FGGY: variants seen among roughly 807,000 people sequenced by gnomAD.
FGGY encodes FGGY carbohydrate kinase domain containing, also known as FGGY carbohydrate kinase domain-containing protein.
FGGY carries 72 observed loss-of-function variants against 71.3 expected under a neutral mutation model. The ratio of observed to expected loss-of-function variants is 1.01; its 90% CI spans 0.84 to 1.23. The LOEUF (loss-of-function observed/expected upper bound fraction) is 1.23, where lower values mean the gene tolerates loss of function less well. Among genes scored for constraint, FGGY ranks in the 50% most tolerant of loss-of-function variants. The probability of loss-of-function intolerance (pLI) is 0.00; values close to 1 mark genes in which losing one functional copy is unlikely to be tolerated. For missense variants in FGGY, 668 were observed against 682.3 expected (o/e 0.98, Z 0.23); for synonymous variants, 251 against 250.3 (o/e 1.00, Z -0.02).
At chr1:59,556,997 G>A (rs1440219725) in intron 8 of FGGY, among the ~76,000 whole-genome samples, 1 of 152,072 alleles carries the variant, frequency 6.6e-6, no homozygotes, top group African/African-American at 2.4e-5. Context: ...TGGGCCAAGG[G>A]GATTAATCAT....
At chr1:59,554,018 G>C in intron 7 of FGGY, 106 bp from the exon 8 acceptor site, 1 of 865,110 alleles carries the variant, frequency 1.2e-6, no homozygotes, top group Non-Finnish European at 1.8e-6. Flanking sequence ...CTTCCTCCAT[G>C]TTGTTTGACT....
At chr1:59,712,724 C>T (rs2097804482) in intron 14 of FGGY, among the ~76,000 whole-genome samples, 1 of 152,164 alleles carries the variant, frequency 6.6e-6, no homozygotes, top group Non-Finnish European at 1.5e-5. Context: ...TCCTAGGCTG[C>T]ACACATCATG....
chr1:59,573,473 TAC>T (rs1031906185), intron 8 of FGGY, among the ~76,000 whole-genome samples: 2 of 152,104 alleles, frequency 1.3e-5, no homozygotes, highest in East Asian at 1.9e-4. Flanking sequence ...TTCATATATA[TAC>T]ACACATGTAT....
chr1:59,472,138 G>C (rs534430671), intron 6 of FGGY, among the ~76,000 whole-genome samples: 1 of 152,336 alleles, frequency 6.6e-6, no homozygotes, highest in South Asian at 2.1e-4. Flanking sequence ...GGAGAGGCGC[G>C]GGCGGGAACC....
At chr1:59,584,058 G>A (rs1197238990) in intron 8 of FGGY, among the ~76,000 whole-genome samples, 2 of 149,606 alleles carry the variant, frequency 1.3e-5, no homozygotes, top group Non-Finnish European at 2.9e-5. Flanking sequence ...GGACCGGATG[G>A]ATTCACAGCC....
chr1:59,650,294 T>TC (rs2097144485), intron 11 of FGGY, among the ~76,000 whole-genome samples: 1 of 142,526 alleles, frequency 7.0e-6, no homozygotes. Flanking sequence ...TTCCGTCTTT[T>TC]CTATTGATTG....
rs1206812661 is a variant in FGGY, at chr1:59,369,763, G to A, written c.466-8986G>A. ...GCAGCATTCACGGTTCACGAAAAAC[G>A]ACTGTTCTGCAGACACCGCTGCTGA... On this transcript the variant is annotated intron_variant, in intron 4 of 15. Transcript: ENST00000303721. Among the ~76,000 whole-genome samples the A allele has an allele frequency of 3.9e-5, 6 of 152,278 alleles. 1 individual carries two copies. In the South Asian group the frequency reaches 1.0e-3, roughly 26 times the overall value.
At chr1:59,479,470 C>T (rs2093390819) in intron 6 of FGGY, among the ~76,000 whole-genome samples, 1 of 152,088 alleles carries the variant, frequency 6.6e-6, no homozygotes, top group Non-Finnish European at 1.5e-5. Context: ...ACTGTGGGTC[C>T]AGAGAAGACA....
At chr1:59,363,797 A>G (rs892465742) in intron 4 of FGGY, among the ~76,000 whole-genome samples, 3 of 152,122 alleles carry the variant, frequency 2.0e-5, no homozygotes, top group Non-Finnish European at 2.9e-5. Flanking sequence ...AAAACATGCA[A>G]TTTTCCTAGA....
chr1:59,570,559 G>A (rs1334548168), intron 8 of FGGY, among the ~76,000 whole-genome samples: 1 of 152,112 alleles, frequency 6.6e-6, no homozygotes, highest in Non-Finnish European at 1.5e-5. Flanking sequence ...ATTAGAGATT[G>A]TGGAATTCTT....
Position 59,590,662 on chromosome 1 carries a change from A to T in FGGY, c.904-17141A>T, listed in dbSNP as rs373009501. On this transcript the variant is annotated intron_variant, in intron 8 of 15. Coordinates refer to ENST00000303721, the MANE Select transcript of FGGY (RefSeq NM_018291.5). ...GGCAAATCAATAAATGTAATCCAGC[A>T]TATAAACAGAACCAAAGGAAAAAAC... Among the ~76,000 whole-genome samples the T allele has an allele frequency of 2.0e-5, 3 of 152,376 alleles. No homozygotes were observed. In the East Asian group the frequency reaches 5.8e-4, roughly 29 times the overall value.
intron 5 of FGGY, among the ~76,000 whole-genome samples, chr1:59,439,344 A>G (rs541951242): frequency 6.6e-6 from 1 of 152,344 alleles, no homozygotes; most frequent in Non-Finnish European, 1.5e-5. Context: ...ATTCCCAGAA[A>G]CATTATTCTT....
At chr1:59,652,861 G>A (rs933296986) in intron 11 of FGGY, among the ~76,000 whole-genome samples, 9 of 152,186 alleles carry the variant, frequency 5.9e-5, no homozygotes, top group Non-Finnish European at 4.4e-5. Flanking sequence ...TTTCTGTTCT[G>A]TTTTTTCCCC....
chr1:59,645,740 C>T (rs1375972744), intron 11 of FGGY, among the ~76,000 whole-genome samples: 3 of 152,214 alleles, frequency 2.0e-5, no homozygotes, highest in Non-Finnish European at 2.9e-5. Context: ...CACTCAACCA[C>T]TCAACAAAGC....
chr1:59,586,207 A>G (rs2096283152), intron 8 of FGGY, among the ~76,000 whole-genome samples: 1 of 152,226 alleles, frequency 6.6e-6, no homozygotes, highest in Admixed American at 6.5e-5. Context: ...AGACACATGC[A>G]CACATATGTT....
At chr1:59,334,439 CG>C (rs1428951929) in intron 2 of FGGY, among the ~76,000 whole-genome samples, 17 of 152,124 alleles carry the variant, frequency 1.1e-4, no homozygotes, top group African/African-American at 3.9e-4. Context: ...CCATTGCACC[CG>C]GCCCCCACTT....
rs901519313 is a variant in FGGY at position 59,405,864 on chromosome 1, G to A, written c.554+27027G>A. 2.0e-5 allele frequency among the ~76,000 whole-genome samples: 3 copies of A among 151,922 alleles called. No homozygotes were observed. The East Asian group carries it at 5.8e-4, about 29-fold the overall frequency. ...GCTCTGCTCTCTGGTGCTATGTTAC[G>A]ATGATCTCCCGTTAGGCTAAATTAT... is the stretch of plus-strand genomic sequence containing the variant. On this transcript the variant is annotated intron_variant, in intron 5 of 15. Coordinates refer to ENST00000303721, the MANE Select transcript of FGGY (RefSeq NM_018291.5).
At chr1:59,686,060 A>G (rs572056786) in intron 14 of FGGY, among the ~76,000 whole-genome samples, 69 of 152,358 alleles carry the variant, frequency 4.5e-4, no homozygotes, top group African/African-American at 1.6e-3. Flanking sequence ...GGCAGAATTC[A>G]TTATATACCA....
intron 5 of FGGY, among the ~76,000 whole-genome samples, chr1:59,443,374 T>C (rs2070424056): frequency 6.6e-6 from 1 of 152,196 alleles, no homozygotes; most frequent in Non-Finnish European, 1.5e-5. Context: ...CCAGGAATTG[T>C]ACATTATCTC....
Sources: allele counts gnomAD v4.1 joint callset (sites outside exome capture counted in the v4.1 genomes callset), GRCh38; gene constraint gnomAD v4.1.1; transcripts MANE v1.5; gene names NCBI Gene and HGNC (gene_info 2026-07-23, HGNC 2026-07-21).